The following SBF2 variants were observed in gnomAD, a reference collection of about 807,000 sequenced individuals.
The protein encoded by SBF2 is myotubularin-related protein 13.
In SBF2, 112 loss-of-function variants were observed where a neutral mutation model predicts 225.2. The ratio of observed to expected loss-of-function variants is 0.50; its 90% CI spans 0.43 to 0.58. The LOEUF (loss-of-function observed/expected upper bound fraction) is 0.58, where lower values mean the gene tolerates loss of function less well. Among genes scored for constraint, SBF2 ranks in the 20% least tolerant of loss-of-function variants. The pLI, the probability that SBF2 is intolerant of heterozygous loss-of-function variation, is 0.00. For missense variants in SBF2, 1,996 were observed against 2,206.2 expected, an observed-to-expected ratio of 0.90 and a Z score of 1.91; for synonymous variants, 763 against 773.3, an observed-to-expected ratio of 0.99 and a Z score of 0.22.
chr11:9,850,727 G>C (rs1019685253), intron 21 of SBF2, among the ~76,000 whole-genome samples: 16 of 152,206 alleles, frequency 1.1e-4, no homozygotes, highest in Non-Finnish European at 1.0e-4. Flanking sequence ...ATTCTTTGCA[G>C]AATTGTGTAA....
chr11:10,129,102 T>C (rs11042640), intron 2 of SBF2, among the ~76,000 whole-genome samples: 2,316 of 39,004 alleles, frequency 0.059, 12 homozygotes, highest in African/African-American at 0.1. Flanking sequence ...TTTTCTCTCT[T>C]TTTTTTTTTT....
intron 28 of SBF2, among the ~76,000 whole-genome samples, chr11:9,819,674 G>C (rs907915013): frequency 6.6e-6 from 1 of 152,160 alleles, no homozygotes; most frequent in African/African-American, 2.4e-5. Context: ...GTGTGTATGG[G>C]TGAATGTTAG....
intron 6 of SBF2, among the ~76,000 whole-genome samples, chr11:10,008,642 G>A (rs542668201): frequency 6.6e-6 from 1 of 152,218 alleles, no homozygotes; most frequent in Non-Finnish European, 1.5e-5. Flanking sequence ...TGCATCAATG[G>A]GACAGATGGG....
intron 35 of SBF2, chr11:9,788,081 C>T (rs140815793): frequency 7.9e-4 from 274 of 348,054 alleles, no homozygotes; most frequent in African/African-American, 4.7e-3. Context: ...AGCACTGGCC[C>T]GTGGCCCAGC....
intron 1 of SBF2, among the ~76,000 whole-genome samples, chr11:10,221,008 C>T (rs1958320341): frequency 6.6e-6 from 1 of 152,116 alleles, no homozygotes; most frequent in Non-Finnish European, 1.5e-5. Context: ...GGCTAAGCTT[C>T]TATTCCTCTG....
At position 9,779,546 on chromosome 11, in the gene SBF2, A is replaced by T. The variant is rs1851891848; in HGVS notation, c.*872T>A. 6.5e-6 allele frequency: 1 copy of T among 152,716 alleles called. No individual in the cohort carries two copies. Among genetic ancestry groups the T allele is most frequent in the Non-Finnish European group, 1.5e-5 (1 of 68,096 alleles). 9.5% of individuals were successfully genotyped at this position (152,716 alleles called of 1,614,324 possible). A position where few individuals can be genotyped will look rare whatever the true frequency, so the allele number is the denominator to read the frequency against. ...AACACAGCCCTTGTCACAGGTGCGT[A>T]TGGTCCTAAATAGCTGGCCTCTGTC... On this transcript the variant is annotated 3_prime_UTR_variant, in exon 40 of 40. Coordinates refer to ENST00000256190, the MANE Select transcript of SBF2 (RefSeq NM_030962.4).
At chr11:10,129,777 G>A (rs540755769) in intron 2 of SBF2, among the ~76,000 whole-genome samples, 2 of 152,246 alleles carry the variant, frequency 1.3e-5, no homozygotes, top group African/African-American at 4.8e-5. Flanking sequence ...GCCAAAACAG[G>A]AGGGTTGCTT....
At chr11:9,879,639 C>T (rs1301331817) in intron 17 of SBF2, among the ~76,000 whole-genome samples, 1 of 152,190 alleles carries the variant, frequency 6.6e-6, no homozygotes, top group Non-Finnish European at 1.5e-5. Context: ...TAGTTGAATT[C>T]ATGTCCTGTC....
At chr11:10,058,124 A>T (rs1298139394) in intron 2 of SBF2, among the ~76,000 whole-genome samples, 1 of 152,170 alleles carries the variant, frequency 6.6e-6, no homozygotes, top group Non-Finnish European at 1.5e-5. Context: ...TGTCCTCCAA[A>T]TGACTGCACC....
At chr11:10,034,197 T>C (rs951790991) in intron 3 of SBF2, among the ~76,000 whole-genome samples, 7 of 152,196 alleles carry the variant, frequency 4.6e-5, no homozygotes, top group Admixed American at 4.6e-4. Context: ...AATAATCACA[T>C]GCCACAACTT....
chr11:9,901,070 C>A (rs1430191031), intron 16 of SBF2, among the ~76,000 whole-genome samples: 2 of 152,040 alleles, frequency 1.3e-5, no homozygotes, highest in Non-Finnish European at 2.9e-5. Flanking sequence ...ATTTTTATTT[C>A]TTGACTTATG....
At chr11:9,921,517 G>A (rs777451015) in intron 16 of SBF2, among the ~76,000 whole-genome samples, 2 of 152,094 alleles carry the variant, frequency 1.3e-5, no homozygotes, top group Non-Finnish European at 2.9e-5. Context: ...GCCTTATAGT[G>A]TACTAAAATT....
chr11:10,230,205 G>A (rs570982654), intron 1 of SBF2, among the ~76,000 whole-genome samples: 27 of 152,130 alleles, frequency 1.8e-4, no homozygotes, highest in African/African-American at 3.9e-4. Flanking sequence ...TATGTGTGTC[G>A]CTGCATGTGA....
chr11:10,043,764 G>T (rs1436021447), intron 2 of SBF2, among the ~76,000 whole-genome samples: 1 of 151,910 alleles, frequency 6.6e-6, no homozygotes. Context: ...TGTAGAGAAA[G>T]GGTCTTTCCA....
At position 10,193,417 on chromosome 11, in the gene SBF2, C is replaced by T. The variant is rs948130810; in HGVS notation, c.141+485G>A. 3.6e-4 allele frequency among the ~76,000 whole-genome samples: 53 copies of T among 145,412 alleles called. No homozygotes were observed. The East Asian group carries it at 4.6e-3, about 13-fold the overall frequency. On this transcript the variant is annotated intron_variant, in intron 2 of 39. Transcript: ENST00000256190. ...TCGCCCAGGCTAGAGCGCAGTGGCACGATCTTGGCTCACTGCAAGCTCCGC... is the reference window on the plus strand; with the variant it reads ...TCGCCCAGGCTAGAGCGCAGTGGCATGATCTTGGCTCACTGCAAGCTCCGC...
intron 2 of SBF2, among the ~76,000 whole-genome samples, chr11:10,095,972 A>ACTTT (rs1367641427): frequency 1.3e-5 from 2 of 152,210 alleles, no homozygotes; most frequent in Non-Finnish European, 2.9e-5. Flanking sequence ...TTGCTTAGTT[A>ACTTT]CTTTAACTAA....
intron 2 of SBF2, among the ~76,000 whole-genome samples, chr11:10,108,559 C>A: frequency 8.3e-6 from 1 of 120,018 alleles, no homozygotes. Context: ...GAGTCTCGCT[C>A]TGTCGCCCAG....
In SBF2 at chr11:10,042,492, T is replaced by C. The variant is rs993747554; in HGVS notation, c.279+352A>G. 1.1e-4 allele frequency among the ~76,000 whole-genome samples: 16 copies of C among 152,190 alleles called. 1 individual carries two copies. In the South Asian group the frequency reaches 2.1e-3, roughly 20 times the overall value. ...GCATTGTAATAATGATTTGCAAACA[T>C]TGTGAGTAAATGTTCCACATTCTAT... On this transcript the variant is annotated intron_variant, in intron 3 of 39. Coordinates refer to ENST00000256190, the MANE Select transcript of SBF2 (RefSeq NM_030962.4).
intron 2 of SBF2, among the ~76,000 whole-genome samples, chr11:10,092,294 C>A (rs143231027): frequency 6.6e-6 from 1 of 152,168 alleles, no homozygotes; most frequent in African/African-American, 2.4e-5. Context: ...TTGGAGATAA[C>A]ATATACATGA....
Sources: allele counts gnomAD v4.1 joint callset (sites outside exome capture counted in the v4.1 genomes callset), GRCh38; gene constraint gnomAD v4.1.1; transcripts MANE v1.5; gene names NCBI Gene and HGNC (gene_info 2026-07-23, HGNC 2026-07-21).